EIF1AX: variants seen among roughly 807,000 people sequenced by gnomAD.
EIF1AX encodes the protein eukaryotic translation initiation factor 1A X-linked.
A neutral mutation model predicts 16.1 loss-of-function variants in EIF1AX; 1 was observed. That is an observed-to-expected ratio of 0.06 (90% CI 0.02 to 0.30). The LOEUF is 0.30. Ranked by LOEUF, EIF1AX falls within the 10% of genes least tolerant of loss-of-function variation. EIF1AX has a pLI of 1.00. For missense variants in EIF1AX, 11 were observed against 109.1 expected, an observed-to-expected ratio of 0.10 and a Z score of 4.00; for synonymous variants, 32 against 37.3, an observed-to-expected ratio of 0.86 and a Z score of 0.51.
At chrX:20,137,153 C>G (rs1305707873) in intron 2 of EIF1AX, among the ~76,000 whole-genome samples, 2 of 111,632 alleles carry the variant, frequency 1.8e-5, no homozygotes, top group Non-Finnish European at 3.8e-5. Context: ...TGAAGAAATC[C>G]TACATATGGG....
chrX:20,138,724 G>T, intron 1 of EIF1AX, 102 bp from the exon 2 acceptor site: 1 of 556,709 alleles, frequency 1.8e-6, no homozygotes. Context: ...TTTTTTAAAA[G>T]ATCACTTAAA....
intron 4 of EIF1AX, among the ~76,000 whole-genome samples, chrX:20,133,187 C>T (rs1029142110): frequency 1.8e-5 from 2 of 111,581 alleles, no homozygotes; most frequent in African/African-American, 3.3e-5. Flanking sequence ...CCTTATCTAT[C>T]GAACAGGAAA....
At chrX:20,135,621 T>C (rs1217403962) in intron 3 of EIF1AX, 117 bp downstream of exon 3, 1 of 498,942 alleles carries the variant, frequency 2.0e-6, no homozygotes, top group African/African-American at 2.4e-5. Flanking sequence ...AAATCACTGT[T>C]TACCAAGGTA....
intron 2 of EIF1AX, chrX:20,136,317 T>C (rs765993979): frequency 2.7e-6 from 1 of 364,049 alleles, no homozygotes; most frequent in Non-Finnish European, 5.3e-6. Flanking sequence ...CTCAGAACTG[T>C]AGAGATCATG....
rs1252741638 is a variant in EIF1AX, at chrX:20,125,652, A to G, written c.*2654T>C. On this transcript the variant is annotated 3_prime_UTR_variant, in exon 7 of 7. Transcript: ENST00000379607. Reference sequence around the variant, plus strand: ...GCTATTTTACTCAAAACATGCTTTTACCTATTTGATTACTCAGAGTTACTC... The same window carrying G: ...GCTATTTTACTCAAAACATGCTTTTGCCTATTTGATTACTCAGAGTTACTC... 6 of 163,908 alleles carry G rather than the reference A, an allele frequency of 3.7e-5. No homozygotes were observed. Among genetic ancestry groups the G allele is most frequent in the Non-Finnish European group, 7.1e-5 (6 of 84,926 alleles). 13.5% of individuals were successfully genotyped at this position (163,908 alleles called of 1,213,427 possible). A position where few individuals can be genotyped will look rare whatever the true frequency, so the allele number is the denominator to read the frequency against.
intron 4 of EIF1AX, 80 bp from the exon 5 acceptor site, chrX:20,132,343 A>T: frequency 1.3e-5 from 8 of 625,544 alleles, no homozygotes; most frequent in Non-Finnish European, 2.0e-5. Flanking sequence ...CATATTGAAT[A>T]AACAATCAAA....
At position 20,125,331 on chromosome X, in the gene EIF1AX, A is replaced by G; in HGVS notation, c.*2975T>C. The G allele has an allele frequency of 5.8e-6, 1 of 171,429 alleles. No individual in the cohort carries two copies. Among genetic ancestry groups the G allele is most frequent in the Non-Finnish European group, 1.1e-5 (1 of 88,918 alleles). 14.1% of individuals were successfully genotyped at this position (171,429 alleles called of 1,213,427 possible). A position where few individuals can be genotyped will look rare whatever the true frequency, so the allele number is the denominator to read the frequency against. ...ACCTGAGAGTCTTGTGTCTTTTCAC[A>G]TTTTGCTCTTTTCTGAATAGGAAGA... is the stretch of plus-strand genomic sequence containing the variant. On this transcript the variant is annotated 3_prime_UTR_variant, in exon 7 of 7. Coordinates refer to ENST00000379607, the MANE Select transcript of EIF1AX (RefSeq NM_001412.4).
chrX:20,133,043 A>G (rs1362946668), intron 4 of EIF1AX, among the ~76,000 whole-genome samples: 1 of 111,656 alleles, frequency 9.0e-6, no homozygotes, highest in Non-Finnish European at 1.9e-5. Flanking sequence ...ACAAGCTTCC[A>G]GAAGATGCTA....
At chrX:20,136,488 G>C (rs149097156) in intron 2 of EIF1AX, 1,890 of 154,153 alleles carry the variant, frequency 0.012, 12 homozygotes, top group Middle Eastern at 0.027. Flanking sequence ...TGAATAAGTA[G>C]ATTGACTACC....
rs2066988631 is a variant in EIF1AX at position 20,127,475 on chromosome X, T to C, written c.*831A>G. 1 of 149,495 alleles carries C rather than the reference T, an allele frequency of 6.7e-6. No homozygotes were observed. The highest frequency in any genetic ancestry group is 1.3e-5 in the Non-Finnish European group (1 of 74,941). The allele number at this position is 149,495 out of a possible 1,213,427, so 12.3% of individuals were successfully genotyped here. On this transcript the variant is annotated 3_prime_UTR_variant, in exon 7 of 7. Transcript: ENST00000379607. ...CTTACATGTATATGACTTCTGAAAA[T>C]AAAAATCACACTTCTAACATAATCT...
At chrX:20,130,478 A>G in intron 6 of EIF1AX, 38 bp downstream of exon 6, 5 of 1,153,470 alleles carry the variant, frequency 4.3e-6, no homozygotes, top group Non-Finnish European at 5.8e-6. Context: ...TCCATGGATA[A>G]TAACAAAAAT....
intron 6 of EIF1AX, among the ~76,000 whole-genome samples, chrX:20,129,880 A>T (rs1280346690): frequency 8.9e-6 from 1 of 112,658 alleles, no homozygotes; most frequent in African/African-American, 3.2e-5. Context: ...ACTGTCCACT[A>T]AATTTCTTAA....
chrX:20,127,015 T>A lies in EIF1AX; in HGVS notation c.*1291A>T, dbSNP rs1227357754. On this transcript the variant is annotated 3_prime_UTR_variant, in exon 7 of 7. Transcript: ENST00000379607. ...AAAGTGTCACAAGCTACATGATGGA[T>A]CTCTTCTTTTAATGTTGCATAGAGT... The A allele has an allele frequency of 1.4e-5, 2 of 145,832 alleles. No individual in the cohort carries two copies. The highest frequency in any genetic ancestry group is 2.1e-4 in the East Asian group (2 of 9,305). The allele number at this position is 145,832 out of a possible 1,213,427, so 12.0% of individuals were successfully genotyped here. A position where few individuals can be genotyped will look rare whatever the true frequency, so the allele number is the denominator to read the frequency against.
chrX:20,128,296 T>C lies in EIF1AX; in HGVS notation c.*10A>G. The stretch of plus-strand genomic sequence containing the variant: ...TCAGAAAAGATGGAATGTAAAATGT[T>C]GAGTTCAATTTAGATCTGGAAGGGA... On this transcript the variant is annotated 3_prime_UTR_variant, in exon 7 of 7. Transcript: ENST00000379607. 1 of 1,195,858 alleles carries C rather than the reference T, an allele frequency of 8.4e-7. No individual in the cohort carries two copies. The highest frequency in any genetic ancestry group is 1.1e-6 in the Non-Finnish European group (1 of 885,196).
At chrX:20,134,420 A>C (rs1157588600) in intron 3 of EIF1AX, among the ~76,000 whole-genome samples, 2 of 107,027 alleles carry the variant, frequency 1.9e-5, no homozygotes, top group Admixed American at 2.0e-4. Flanking sequence ...CTTTAAAAGA[A>C]AAAAAAAAAG....
At chrX:20,137,994 GTTTTTTTTTTTTTTTT>G (rs72040979) in intron 2 of EIF1AX, among the ~76,000 whole-genome samples, 1 of 36,745 alleles carries the variant, frequency 2.7e-5, no homozygotes, top group Non-Finnish European at 4.4e-5. Context: ...TCTCTATACA[GTTTTTTTTTTTTTTTT>G]TTTTTTTTTT....
At chrX:20,135,919 T>C in intron 2 of EIF1AX, 78 bp from the exon 3 acceptor site, 1 of 705,489 alleles carries the variant, frequency 1.4e-6, no homozygotes, top group Non-Finnish European at 2.3e-6. Context: ...CATAAAACTG[T>C]CAAGAGAATA....
At chrX:20,130,083 C>G (rs1472437584) in intron 6 of EIF1AX, among the ~76,000 whole-genome samples, 1 of 110,298 alleles carries the variant, frequency 9.1e-6, no homozygotes, top group Non-Finnish European at 1.9e-5. Context: ...GGGCAGATCA[C>G]CGGAGGTCAG....
At position 20,126,366 on chromosome X, in the gene EIF1AX, T is replaced by C. The variant is rs1468760102; in HGVS notation, c.*1940A>G. The C allele has an allele frequency of 8.1e-6, 1 of 123,235 alleles. No individual in the cohort carries two copies. Among genetic ancestry groups the C allele is most frequent in the African/African-American group, 4.0e-5 (1 of 25,284 alleles). 10.2% of individuals were successfully genotyped at this position (123,235 alleles called of 1,213,427 possible). ...TTAATCACTATGATTCGAGATTTCCTAGGATTTAACAGCCCAAGATTGGGC... is the reference window on the plus strand; with the variant it reads ...TTAATCACTATGATTCGAGATTTCCCAGGATTTAACAGCCCAAGATTGGGC... On this transcript the variant is annotated 3_prime_UTR_variant, in exon 7 of 7. Transcript: ENST00000379607.
Sources: allele counts gnomAD v4.1 joint callset (sites outside exome capture counted in the v4.1 genomes callset), GRCh38; gene constraint gnomAD v4.1.1; transcripts MANE v1.5; gene names NCBI Gene and HGNC (gene_info 2026-07-23, HGNC 2026-07-21).